Variants in MAP4K5 observed in about 807,000 individuals in gnomAD.
MAP4K5 encodes MAPK/ERK kinase kinase kinase 5.
In MAP4K5, 82 loss-of-function variants were observed where a neutral mutation model predicts 135.6. The ratio of observed to expected loss-of-function variants is 0.60; its 90% confidence interval spans 0.51 to 0.73. The LOEUF is 0.73. Ranked by LOEUF, MAP4K5 falls within the 30% of genes least tolerant of loss-of-function variation. MAP4K5 has a pLI of 0.00. For synonymous variants in MAP4K5, 347 were observed against 335.0 expected, an observed-to-expected ratio of 1.04 and a Z score of -0.39; for missense variants, 907 against 1,010.9, an observed-to-expected ratio of 0.90 and a Z score of 1.39.
intron 2 of MAP4K5, among the ~76,000 whole-genome samples, chr14:50,519,268 G>T (rs950114606): frequency 1.3e-5 from 2 of 151,844 alleles, no homozygotes; most frequent in South Asian, 2.1e-4. Context: ...TGATTTATAC[G>T]TATGTCCTTA....
chr14:50,431,689 T>G (rs2035973927), intron 28 of MAP4K5, among the ~76,000 whole-genome samples: 1 of 151,598 alleles, frequency 6.6e-6, no homozygotes, highest in Non-Finnish European at 1.5e-5. Flanking sequence ...TCTTTGCTAT[T>G]GTGAATAATG....
At chr14:50,461,400 T>C (rs1172530746) in intron 13 of MAP4K5, among the ~76,000 whole-genome samples, 1 of 150,974 alleles carries the variant, frequency 6.6e-6, no homozygotes, top group Non-Finnish European at 1.5e-5. Context: ...TTAGTGAAGG[T>C]AGAGATAAAA....
At position 50,558,182 on chromosome 14, in the gene MAP4K5, T is replaced by C. The variant is rs1021993588; in HGVS notation, c.-180+2858A>G. 5.9e-5 allele frequency among the ~76,000 whole-genome samples: 9 copies of C among 152,138 alleles called. No homozygotes were observed. The South Asian group carries it at 1.2e-3, about 21-fold the overall frequency. On this transcript the variant is annotated intron_variant, in intron 1 of 8. Transcript: ENST00000555216. Reference sequence around the variant, plus strand: ...GAGTTTGAGACCAGCCTGGGCAACATGGAGAAACCCCGTCTCTACATACAA... The same window carrying C: ...GAGTTTGAGACCAGCCTGGGCAACACGGAGAAACCCCGTCTCTACATACAA...
chr14:50,542,834 G>C (rs557570571), intron 1 of MAP4K5, among the ~76,000 whole-genome samples: 1 of 152,226 alleles, frequency 6.6e-6, no homozygotes, highest in East Asian at 1.9e-4. Context: ...AATTCTCCCA[G>C]TGGATATAAC....
intron 1 of MAP4K5, among the ~76,000 whole-genome samples, chr14:50,555,372 C>A (rs1335094123): frequency 1.3e-5 from 2 of 152,222 alleles, no homozygotes; most frequent in African/African-American, 4.8e-5. Context: ...ACCTCTGCCT[C>A]CCGGGTTCAA....
At chr14:50,452,152 A>C (rs971225601) in intron 14 of MAP4K5, among the ~76,000 whole-genome samples, 2 of 152,168 alleles carry the variant, frequency 1.3e-5, no homozygotes, top group Non-Finnish European at 2.9e-5. Flanking sequence ...TAGGTTAGGT[A>C]TATTAAATGT....
At chr14:50,441,260 C>T (rs1482124903) in intron 21 of MAP4K5, among the ~76,000 whole-genome samples, 1 of 151,952 alleles carries the variant, frequency 6.6e-6, no homozygotes, top group East Asian at 1.9e-4. Flanking sequence ...TATTAATTAC[C>T]TATAAATCAG....
At chr14:50,444,910 G>T in intron 18 of MAP4K5, 131 bp downstream of exon 18, 1 of 981,270 alleles carries the variant, frequency 1.0e-6, no homozygotes, top group Non-Finnish European at 1.5e-6. Flanking sequence ...TAATAGGATT[G>T]ACTAAATAAA....
intron 14 of MAP4K5, among the ~76,000 whole-genome samples, chr14:50,453,325 G>C (rs1346726629): frequency 1.3e-5 from 2 of 150,756 alleles, no homozygotes; most frequent in African/African-American, 4.9e-5. Context: ...AGTCATATCT[G>C]AATCAGACTG....
chr14:50,541,825 G>T (rs896147699), intron 2 of MAP4K5, among the ~76,000 whole-genome samples: 1 of 151,562 alleles, frequency 6.6e-6, no homozygotes, highest in South Asian at 2.1e-4. Context: ...TTGAGATCAC[G>T]GTGAAACCCC....
intron 10 of MAP4K5, chr14:50,468,414 C>T: frequency 4.2e-6 from 2 of 470,696 alleles, no homozygotes; most frequent in Non-Finnish European, 7.6e-6. Context: ...TAGTCAAGTA[C>T]AGTAGTGAGA....
rs868610119 is a variant in MAP4K5 at position 50,485,601 on chromosome 14, C to T, written c.299G>A (p.Gly100Glu). ...LWICMEYCGG[G>E]SLQDIYHVTG... ...ACCATGGTAAATATCTTGAAGTGAT[C>T]CGCCACCACAGTATTCCATACAAAT... Residue 100 changes from glycine (G) to glutamate (E), a missense_variant, in exon 5 of 33, where the codon GGA becomes GAA. Gly to Glu is a moderately conservative substitution (Grantham distance 98). Around this residue, in one of 3 missense-constraint regions of MAP4K5, gnomAD observed 196 missense variants for 189.3 expected, o/e 1.04. Coordinates refer to ENST00000682126, the MANE Select transcript of MAP4K5 (RefSeq NM_006575.6). The T allele has an allele frequency of 6.4e-7, 1 of 1,552,530 alleles. No individual in the cohort carries two copies. The highest frequency in any genetic ancestry group is 8.7e-7 in the Non-Finnish European group (1 of 1,145,838).
At chr14:50,560,249 C>G in intron 1 of MAP4K5, 1 of 1,613,814 alleles carries the variant, frequency 6.2e-7, no homozygotes, top group Non-Finnish European at 8.5e-7. Flanking sequence ...CTCACCGCCA[C>G]CAGCTCCTGG....
At chr14:50,468,211 CA>C (rs920498218) in intron 10 of MAP4K5, among the ~76,000 whole-genome samples, 31 of 149,560 alleles carry the variant, frequency 2.1e-4, no homozygotes, top group Non-Finnish European at 3.4e-4. Flanking sequence ...CCACATAGGA[CA>C]AAAAAAAAGA....
intron 14 of MAP4K5, among the ~76,000 whole-genome samples, chr14:50,455,330 C>T (rs539331401): frequency 5.9e-5 from 9 of 151,902 alleles, no homozygotes; most frequent in African/African-American, 9.6e-5. Context: ...CAAAACTATA[C>T]GAGAAAAGAT....
Position 50,476,273 on chromosome 14 carries a change from G to T in MAP4K5, c.412C>A (p.His138Asn). ...AATGAACTTACTTTGATATCTCTAT[G>T]CATTTTGCCTTTAGTATGCAAATAG... is the stretch of plus-strand genomic sequence containing the variant. ...LAYLHTKGKM[H>N]RDIKGANILL... is the part of the protein sequence containing the mutation. Residue 138 changes from histidine to asparagine, a missense_variant, in exon 7 of 33, where the codon CAT (histidine) becomes AAT (asparagine). Coordinates refer to ENST00000682126, the MANE Select transcript of MAP4K5 (RefSeq NM_006575.6). 1 of 1,488,584 alleles carries T rather than the reference G, an allele frequency of 6.7e-7. No homozygotes were observed. Among genetic ancestry groups the T allele is most frequent in the Non-Finnish European group, 9.0e-7 (1 of 1,114,388 alleles). The allele number at this position is 1,488,584 out of a possible 1,614,324, so 92.2% of individuals were successfully genotyped here.
chr14:50,451,147 C>A (rs529046480), intron 14 of MAP4K5, among the ~76,000 whole-genome samples: 2 of 152,014 alleles, frequency 1.3e-5, no homozygotes, highest in East Asian at 3.9e-4. Context: ...AAGTCTAGAT[C>A]CAAAAAATGC....
chr14:50,510,164 C>A (rs1331179054), intron 2 of MAP4K5, among the ~76,000 whole-genome samples: 1 of 152,108 alleles, frequency 6.6e-6, no homozygotes, highest in Non-Finnish European at 1.5e-5. Context: ...GAAAATGACT[C>A]CATTCTTCTC....
At chr14:50,462,376 A>G (rs1053100844) in intron 13 of MAP4K5, among the ~76,000 whole-genome samples, 1 of 152,230 alleles carries the variant, frequency 6.6e-6, no homozygotes, top group African/African-American at 2.4e-5. Context: ...CTCAGCTACC[A>G]AAACTTCAGG....
Sources: allele counts gnomAD v4.1 joint callset (sites outside exome capture counted in the v4.1 genomes callset), GRCh38; gene constraint gnomAD v4.1.1; regional missense constraint gnomAD v4.1.1; transcripts MANE v1.5; gene names NCBI Gene and HGNC (gene_info 2026-07-23, HGNC 2026-07-21).